The following KCNT1 variants were observed in gnomAD, a reference collection of about 807,000 sequenced individuals.
KCNT1 encodes potassium sodium-activated channel subfamily T member 1.
In KCNT1, 78 loss-of-function variants were observed where a neutral mutation model predicts 147.8. That is an observed-to-expected ratio of 0.53 (90% confidence interval 0.44 to 0.64). The LOEUF is 0.64. KCNT1 is among the 30% of genes least tolerant of loss of function. The pLI is 0.00. For synonymous variants in KCNT1, 867 were observed against 748.8 expected (o/e 1.16, Z -2.58); for missense variants, 1,419 against 1,750.3 (o/e 0.81, Z 3.38).
rs974304748 is a variant in KCNT1 at position 135,752,402 on chromosome 9, A to T, written c.434+1361A>T. Reference sequence around the variant, plus strand: ...AGGTCAGAAGAGGGCAGAACCCACTAGGAGAGTTTGAGAAGGAGAACTGGG... The same window carrying T: ...AGGTCAGAAGAGGGCAGAACCCACTTGGAGAGTTTGAGAAGGAGAACTGGG... On this transcript the variant is annotated intron_variant, in intron 4 of 30. Coordinates refer to ENST00000371757, the MANE Select transcript of KCNT1 (RefSeq NM_020822.3). The surrounding 1 kb of genome is among the most constrained non-coding windows in gnomAD (Gnocchi z 5.1). 9 of 456,290 alleles carry T rather than the reference A, an allele frequency of 2.0e-5. No individual in the cohort carries two copies. The highest frequency in any genetic ancestry group is 3.1e-5 in the Non-Finnish European group (7 of 226,898). 28.3% of individuals were successfully genotyped at this position (456,290 alleles called of 1,614,324 possible).
chr9:135,750,479 T>G (rs1370900789), intron 3 of KCNT1: 1 of 501,744 alleles, frequency 2.0e-6, no homozygotes, highest in Non-Finnish European at 3.6e-6. Context: ...CATCCATAGG[T>G]GCCAGCAAGG....
At chr9:135,780,332 G>A (rs147862536) in intron 24 of KCNT1, among the ~76,000 whole-genome samples, 185 of 152,308 alleles carry the variant, frequency 1.2e-3, no homozygotes, top group African/African-American at 4.1e-3. Context: ...TGGGACCTGC[G>A]TGGCTGCAGG....
In KCNT1 at chr9:135,756,940, C is replaced by A; in HGVS notation, c.600+8C>A. On this transcript the variant is annotated splice_region_variant and intron_variant, in intron 7 of 30. Transcript: ENST00000371757. ...ATCTACCTCAGCTACAAAGTGAGTG[C>A]CTGCCCGGGATGGCACCTCACAGGG... 6.2e-7 allele frequency: 1 copy of A among 1,611,918 alleles called. No individual in the cohort carries two copies. The highest frequency in any genetic ancestry group is 8.5e-7 in the Non-Finnish European group (1 of 1,179,366).
intron 2 of KCNT1, among the ~76,000 whole-genome samples, chr9:135,738,942 TG>T (rs1830450071): frequency 6.6e-6 from 1 of 152,042 alleles, no homozygotes; most frequent in Non-Finnish European, 1.5e-5. Flanking sequence ...AAGTGCCCAA[TG>T]GGGGGACAGG....
At chr9:135,734,639 C>T (rs1052699055) in intron 2 of KCNT1, among the ~76,000 whole-genome samples, 2 of 152,184 alleles carry the variant, frequency 1.3e-5, no homozygotes, top group Admixed American at 6.5e-5. Context: ...TAAGTGAAGA[C>T]CCACTGCACT....
In KCNT1 at chr9:135,775,394, C is replaced by T. The variant is rs1588376018; in HGVS notation, c.2328C>T (p.Phe776=). ...LCHLLPVKAP[F]CCLRLDKGCK... is the part of the protein sequence containing the mutation. ...ACCTCCTGCCTGTGAAAGCCCCCTT[C>T]TGCTGCCTGCGGCTGGACAAGGTAA... is the stretch of plus-strand genomic sequence containing the variant. The change falls in exon 20 of 31, where the codon TTC becomes TTT. Residue 776 remains phenylalanine, a synonymous_variant. Transcript: ENST00000371757. The T allele has an allele frequency of 1.2e-6, 2 of 1,610,750 alleles. No homozygotes were observed. Among genetic ancestry groups the T allele is most frequent in the African/African-American group, 1.3e-5 (1 of 75,064 alleles).
At position 135,730,576 on chromosome 9, in the gene KCNT1, G is replaced by A. The variant is rs1419886521; in HGVS notation, c.254+15856G>A. Among the ~76,000 whole-genome samples the A allele has an allele frequency of 6.6e-6, 1 of 152,128 alleles. No homozygotes were observed. Among genetic ancestry groups the A allele is most frequent in the Non-Finnish European group, 1.5e-5 (1 of 68,022 alleles). On this transcript the variant is annotated intron_variant, in intron 2 of 30. Transcript: ENST00000371757. The surrounding 1 kb of genome is among the most constrained non-coding windows in gnomAD (Gnocchi z 4.7). Reference sequence around the variant, plus strand: ...GAGGGGCCCAGCCGGGGAGGGTGGTGGTCACCGGAAGCTGGAAGAGGCAAG... The same window carrying A: ...GAGGGGCCCAGCCGGGGAGGGTGGTAGTCACCGGAAGCTGGAAGAGGCAAG...
chr9:135,705,442 G>A (rs1032087387), intron 1 of KCNT1, among the ~76,000 whole-genome samples: 6 of 152,370 alleles, frequency 3.9e-5, no homozygotes, highest in Admixed American at 1.3e-4. Context: ...TGGGCGCTCC[G>A]TGAGCCAGGC....
intron 24 of KCNT1, among the ~76,000 whole-genome samples, chr9:135,782,230 CTAT>C (rs1344825139): frequency 6.6e-6 from 1 of 152,150 alleles, no homozygotes; most frequent in East Asian, 1.9e-4. Context: ...AAAAATGAAA[CTAT>C]TATTAAGGAT....
intron 11 of KCNT1, 102 bp from the exon 12 acceptor site, chr9:135,764,929 C>T (rs1832152742): frequency 7.4e-7 from 1 of 1,360,036 alleles, no homozygotes; most frequent in Non-Finnish European, 9.9e-7. Flanking sequence ...GGCCCTGCCC[C>T]AGGCCCCTAA....
At position 135,769,628 on chromosome 9, in the gene KCNT1, A is replaced by C. The variant is rs550128974; in HGVS notation, c.1511-319A>C. On this transcript the variant is annotated intron_variant, in intron 15 of 30. Coordinates refer to ENST00000371757, the MANE Select transcript of KCNT1 (RefSeq NM_020822.3). ...GCCCGGGGAACGGGGGGCAGGCCCC[A>C]TGCCAGGTGCCCAGGGGACAGGGGT... Among the ~76,000 whole-genome samples the C allele has an allele frequency of 1.2e-4, 18 of 152,240 alleles. No homozygotes were observed. The East Asian group carries it at 3.3e-3, about 28-fold the overall frequency.
intron 20 of KCNT1, among the ~76,000 whole-genome samples, 175 bp downstream of exon 20, chr9:135,775,590 C>T (rs1053117202): frequency 2.6e-5 from 4 of 152,252 alleles, no homozygotes; most frequent in African/African-American, 7.2e-5. Context: ...ATTCAGCAGA[C>T]GGTCCCTTCC....
chr9:135,770,804 C>T (rs944637837), intron 17 of KCNT1, 53 bp from the exon 18 acceptor site: 67 of 1,454,104 alleles, frequency 4.6e-5, no homozygotes, highest in Non-Finnish European at 5.5e-5. Context: ...AGGCAGGGAG[C>T]GGGACAGGGC....
At chr9:135,788,603 G>A (rs945130447) in intron 29 of KCNT1, among the ~76,000 whole-genome samples, 4 of 152,196 alleles carry the variant, frequency 2.6e-5, no homozygotes, top group African/African-American at 7.2e-5. Flanking sequence ...AGAGGGTCCC[G>A]AGCCAGGGCC....
At chr9:135,746,405 C>G (rs754102668) in intron 2 of KCNT1, among the ~76,000 whole-genome samples, 109 of 152,258 alleles carry the variant, frequency 7.2e-4, no homozygotes, top group Non-Finnish European at 1.4e-3. Flanking sequence ...AGGAGGAGGT[C>G]AAGGGGCCTC....
intron 1 of KCNT1, among the ~76,000 whole-genome samples, chr9:135,712,284 C>T (rs756366355): frequency 2.0e-5 from 3 of 152,226 alleles, no homozygotes; most frequent in African/African-American, 4.8e-5. Flanking sequence ...GGACACCTTC[C>T]TTAAGCCACC....
Position 135,793,889 on chromosome 9 carries a change from C to G in KCNT1, c.*1728C>G, listed in dbSNP as rs1202201689. On this transcript the variant is annotated 3_prime_UTR_variant, in exon 31 of 31. Coordinates refer to ENST00000371757, the MANE Select transcript of KCNT1 (RefSeq NM_020822.3). ...CTAGGGTGGCCAGAGCCTGTCCCAG[C>G]AGGGCTGGGGTCTATCACGTTCCTG... 3 of 152,356 alleles carry G rather than the reference C, an allele frequency of 2.0e-5. No individual in the cohort carries two copies. Among genetic ancestry groups the G allele is most frequent in the African/African-American group, 7.2e-5 (3 of 41,450 alleles). The allele number at this position is 152,356 out of a possible 1,614,324, so 9.4% of individuals were successfully genotyped here. A position where few individuals can be genotyped will look rare whatever the true frequency, so the allele number is the denominator to read the frequency against.
chr9:135,732,619 C>T (rs560751530), intron 2 of KCNT1, among the ~76,000 whole-genome samples: 5 of 152,264 alleles, frequency 3.3e-5, no homozygotes, highest in South Asian at 4.1e-4. Flanking sequence ...ATCTCATCTT[C>T]GAGTGTGGCT....
chr9:135,774,494 GGTGTGTGTTGCATATGTTGTGTGTCT>G (rs1296030759), intron 19 of KCNT1, among the ~76,000 whole-genome samples: 1 of 149,910 alleles, frequency 6.7e-6, no homozygotes, highest in Non-Finnish European at 1.5e-5. Context: ...GTGTCTGTGT[GGTGTGTGTTGCATATGTTGTGTGTCT>G]GTGTGTGCTG....
Sources: allele counts gnomAD v4.1 joint callset (sites outside exome capture counted in the v4.1 genomes callset), GRCh38; gene constraint gnomAD v4.1.1; non-coding constraint Gnocchi (gnomAD v3.1); transcripts MANE v1.5; gene names NCBI Gene and HGNC (gene_info 2026-07-23, HGNC 2026-07-21).